The following AARS1 variants were observed in gnomAD, a reference collection of about 807,000 sequenced individuals.
AARS1 encodes alanyl-tRNA synthetase 1.
In AARS1, 72 loss-of-function variants were observed where a neutral mutation model predicts 108.9. That is an observed-to-expected ratio of 0.66 (90% CI 0.55 to 0.80). The LOEUF (loss-of-function observed/expected upper bound fraction) is 0.80. Among genes scored for constraint, AARS1 ranks in the 30% least tolerant of loss-of-function variants. The probability of loss-of-function intolerance (pLI) is 0.00; values close to 1 mark genes in which losing one functional copy is unlikely to be tolerated. For synonymous variants in AARS1, 489 were observed against 465.7 expected (o/e 1.05, Z -0.64); for missense variants, 1,193 against 1,233.2 (o/e 0.97, Z 0.49).
chr16:70,272,525 A>C (rs1226297903), intron 4 of AARS1, among the ~76,000 whole-genome samples: 4 of 149,476 alleles, frequency 2.7e-5, no homozygotes, highest in Non-Finnish European at 5.9e-5. Flanking sequence ...AAAAAAAAAA[A>C]AAAAAAAAAA....
Position 70,258,014 on chromosome 16 carries a change from G to T in AARS1, c.2177+19C>A, listed in dbSNP as rs1960031822. 1.2e-6 allele frequency: 2 copies of T among 1,613,648 alleles called. No homozygotes were observed. The highest frequency in any genetic ancestry group is 3.3e-5 in the Admixed American group (2 of 59,990). ...TGAAGGTAGATGACCTGTCTACTCT[G>T]CCCCTCTGCAGTACTCACGTTCCCC... On this transcript the variant is annotated intron_variant, in intron 15 of 20. Coordinates refer to ENST00000261772, the MANE Select transcript of AARS1 (RefSeq NM_001605.3).
Position 70,252,802 on chromosome 16 carries a change from G to C in AARS1, c.2826C>G (p.Gly942=), listed in dbSNP as rs1430123522. ...CCTCCTGCAGGCAGCCAACGTTCTTGCCTGTGGCCTGTGCAGACACATCCT... is the reference window on the plus strand; with the variant it reads ...CCTCCTGCAGGCAGCCAACGTTCTTCCCTGTGGCCTGTGCAGACACATCCT... ...GGKDVSAQAT[G]KNVGCLQEAL... is the part of the protein sequence containing the mutation. The change falls in exon 21 of 21, where the codon GGC becomes GGG. Residue 942 remains glycine (G), a synonymous_variant. Transcript: ENST00000261772. 1 of 1,614,078 alleles carries C rather than the reference G, an allele frequency of 6.2e-7. No individual in the cohort carries two copies. The highest frequency in any genetic ancestry group is 1.3e-5 in the African/African-American group (1 of 74,950).
chr16:70,256,780 G>T (rs1198772238), intron 15 of AARS1, among the ~76,000 whole-genome samples: 1 of 152,030 alleles, frequency 6.6e-6, no homozygotes, highest in Non-Finnish European at 1.5e-5. Context: ...CCTGCCAGAG[G>T]CCTGCAGGAG....
chr16:70,260,018 C>T (rs1389470242), intron 13 of AARS1, among the ~76,000 whole-genome samples: 1 of 152,104 alleles, frequency 6.6e-6, no homozygotes, highest in African/African-American at 2.4e-5. Context: ...GTGATCTGCT[C>T]GCCTCGGCCT....
At position 70,261,154 on chromosome 16, in the gene AARS1, T is replaced by C; in HGVS notation, c.1675A>G (p.Thr559Ala). The C allele has an allele frequency of 6.2e-7, 1 of 1,611,930 alleles. No individual in the cohort carries two copies. The highest frequency in any genetic ancestry group is 1.7e-4 in the Middle Eastern group (1 of 5,994). The change falls in exon 13 of 21, where the codon ACA becomes GCA. Residue 559 changes from threonine (T) to alanine (A), a missense_variant. Coordinates refer to ENST00000261772, the MANE Select transcript of AARS1 (RefSeq NM_001605.3). ...VKVDDSSEDKTEFTVKNAQVR... is the reference protein window; with the variant it reads ...VKVDDSSEDKAEFTVKNAQVR... ...TGAGCATTCTTCACTGTAAACTCTG[T>C]TTTCTAAGAGGGGTCAAGGAAGAGA...
intron 2 of AARS1, 115 bp downstream of exon 2, chr16:70,282,505 G>C (rs1960725432): frequency 8.4e-6 from 11 of 1,308,782 alleles, no homozygotes; most frequent in South Asian, 1.2e-5. Flanking sequence ...AGTTTCACAA[G>C]ATCACACAGG....
intron 9 of AARS1, among the ~76,000 whole-genome samples, chr16:70,267,134 C>A (rs777804203): frequency 3.9e-5 from 6 of 152,196 alleles, no homozygotes; most frequent in Non-Finnish European, 7.3e-5. Flanking sequence ...CCACACCCAG[C>A]TGACAAATCT....
At chr16:70,270,086 G>T (rs964351984) in intron 6 of AARS1, 110 bp downstream of exon 6, 7 of 1,361,378 alleles carry the variant, frequency 5.1e-6, no homozygotes, top group Non-Finnish European at 7.3e-6. Context: ...GATGGAAATG[G>T]GTACCCTTGG....
intron 15 of AARS1, among the ~76,000 whole-genome samples, chr16:70,256,301 G>GC (rs1555539677): frequency 6.6e-6 from 1 of 152,000 alleles, no homozygotes; most frequent in East Asian, 1.9e-4. Context: ...AGATAGTATA[G>GC]TTTTTTTTGT....
intron 4 of AARS1, among the ~76,000 whole-genome samples, chr16:70,275,003 T>TA (rs1226153040): frequency 1.3e-5 from 2 of 152,002 alleles, no homozygotes; most frequent in African/African-American, 2.4e-5. Context: ...CTCACATCTG[T>TA]AATCCTAGCA....
intron 7 of AARS1, among the ~76,000 whole-genome samples, chr16:70,268,626 A>G (rs1445202240): frequency 2.0e-5 from 3 of 152,158 alleles, no homozygotes; most frequent in Non-Finnish European, 2.9e-5. Flanking sequence ...CCATAGAGGG[A>G]GGAAAGATGG....
intron 4 of AARS1, among the ~76,000 whole-genome samples, chr16:70,275,626 G>A (rs965255792): frequency 1.3e-5 from 2 of 151,854 alleles, no homozygotes; most frequent in African/African-American, 4.8e-5. Context: ...AGCCGGGCGT[G>A]GTGGTGGGCG....
chr16:70,273,401 A>C (rs926426739), intron 4 of AARS1, among the ~76,000 whole-genome samples: 4 of 152,126 alleles, frequency 2.6e-5, no homozygotes, highest in Non-Finnish European at 4.4e-5. Context: ...ATACTATGTG[A>C]TTATACTTTA....
At chr16:70,281,916 C>T (rs1446572893) in intron 2 of AARS1, among the ~76,000 whole-genome samples, 1 of 151,872 alleles carries the variant, frequency 6.6e-6, no homozygotes, top group Non-Finnish European at 1.5e-5. Context: ...CTTTGAGAGG[C>T]CGAGGCGGAT....
At chr16:70,280,056 T>G in intron 2 of AARS1, among the ~76,000 whole-genome samples, 1 of 151,994 alleles carries the variant, frequency 6.6e-6, no homozygotes. Flanking sequence ...AATTTTTCAA[T>G]TTTTCTTTTG....
At chr16:70,276,379 A>G in intron 4 of AARS1, 107 bp downstream of exon 4, 3 of 1,315,302 alleles carry the variant, frequency 2.3e-6, no homozygotes, top group Non-Finnish European at 3.3e-6. Flanking sequence ...TCTCAAAAGG[A>G]ACCCTGAGAT....
At chr16:70,275,936 C>CAAAAAAAAAAAAAAAAAAAAAAAAAA (rs59002209) in intron 4 of AARS1, 1 of 37,924 alleles carries the variant, frequency 2.6e-5, no homozygotes, top group African/African-American at 1.1e-4. Context: ...GACTCCATCT[C>CAAAAAAAAAAAAAAAAAAAAAAAAAA]AAAAAAAAAA....
At chr16:70,260,794 C>CT in intron 13 of AARS1, among the ~76,000 whole-genome samples, 1 of 152,186 alleles carries the variant, frequency 6.6e-6, no homozygotes, top group East Asian at 1.9e-4. Flanking sequence ...TCCCGAGTAG[C>CT]TGGGACTATA....
intron 1 of AARS1, among the ~76,000 whole-genome samples, chr16:70,285,239 A>T (rs536170609): frequency 6.6e-6 from 1 of 152,190 alleles, no homozygotes; most frequent in South Asian, 2.1e-4. Flanking sequence ...AAAAAAAAAA[A>T]AAAGGAAAAC....
Sources: gnomAD v4.1 joint callset for allele counts (sites outside exome capture counted in the v4.1 genomes callset) on GRCh38, gnomAD v4.1.1 for gene constraint, MANE v1.5 for transcripts, NCBI Gene and HGNC (gene_info 2026-07-23, HGNC 2026-07-21) for gene names.